The following CRACD variants were observed in gnomAD, a reference collection of about 807,000 sequenced individuals.
CRACD encodes capping protein inhibiting regulator of actin dynamics.
In CRACD, 56 loss-of-function variants were observed where a neutral mutation model predicts 106.8. That is an observed-to-expected ratio of 0.52 (90% CI 0.42 to 0.66). The LOEUF is 0.66. CRACD is among the 30% of genes least tolerant of loss of function. The pLI, the probability that CRACD is intolerant of heterozygous loss-of-function variation, is 0.00. For missense variants in CRACD, 1,730 were observed against 1,623.2 expected, an observed-to-expected ratio of 1.07 and a Z score of -1.13; for synonymous variants, 754 against 670.8, an observed-to-expected ratio of 1.12 and a Z score of -1.92.
intron 5 of CRACD, chr4:56,308,685 C>T: frequency 4.5e-6 from 4 of 895,298 alleles, no homozygotes; most frequent in Non-Finnish European, 5.3e-6. Flanking sequence ...CCCCTGTTGC[C>T]CATTGTGACA....
intron 1 of CRACD, among the ~76,000 whole-genome samples, chr4:56,165,514 A>G (rs1227477352): frequency 6.6e-6 from 1 of 152,224 alleles, no homozygotes; most frequent in Non-Finnish European, 1.5e-5. Context: ...CACAGTTAGT[A>G]TGCAGCAGAT....
intron 1 of CRACD, among the ~76,000 whole-genome samples, chr4:56,140,965 A>G (rs139782149): frequency 6.6e-6 from 1 of 152,366 alleles, no homozygotes; most frequent in East Asian, 1.9e-4. Flanking sequence ...GAATGAGAGA[A>G]TCAGAGAAAC....
At chr4:56,158,789 T>A (rs1351363434) in intron 1 of CRACD, among the ~76,000 whole-genome samples, 1 of 152,216 alleles carries the variant, frequency 6.6e-6, no homozygotes, top group Non-Finnish European at 1.5e-5. Flanking sequence ...ATTCTGAATT[T>A]GCATATTGAT....
intron 2 of CRACD, among the ~76,000 whole-genome samples, chr4:56,262,151 T>A (rs1297990226): frequency 6.6e-6 from 1 of 151,996 alleles, no homozygotes; most frequent in Non-Finnish European, 1.5e-5. Flanking sequence ...CCTGAAAAAA[T>A]TTGCCTGTGG....
Position 56,257,244 on chromosome 4 carries a change from G to A in CRACD, c.-188-15077G>A, listed in dbSNP as rs190095439. 1.1e-3 allele frequency among the ~76,000 whole-genome samples: 167 copies of A among 152,026 alleles called. 1 individual carries two copies. The highest frequency in any genetic ancestry group is 3.6e-3 in the African/African-American group (148 of 41,472). On this transcript the variant is annotated intron_variant, in intron 2 of 10. Transcript: ENST00000682029. ...TTACAGGTGCCCACCACCATGCCTG[G>A]CTAATTCTTATATTTTTAGTAGAAA...
intron 1 of CRACD, among the ~76,000 whole-genome samples, chr4:56,099,652 G>C (rs1310815197): frequency 3.3e-5 from 5 of 152,278 alleles, no homozygotes; most frequent in African/African-American, 1.2e-4. Context: ...AGCAGACATT[G>C]AGACTTTCGT....
At chr4:56,264,830 C>T (rs1172425383) in intron 2 of CRACD, among the ~76,000 whole-genome samples, 1 of 152,182 alleles carries the variant, frequency 6.6e-6, no homozygotes, top group Non-Finnish European at 1.5e-5. Flanking sequence ...AACAAATGTC[C>T]ATGAAATCTT....
chr4:56,142,984 G>A, intron 1 of CRACD, among the ~76,000 whole-genome samples: 1 of 150,892 alleles, frequency 6.6e-6, no homozygotes, highest in East Asian at 1.9e-4. Context: ...CCTTTTCATT[G>A]ATTTTTCTCT....
At chr4:56,186,602 C>T (rs1269819811) in intron 2 of CRACD, among the ~76,000 whole-genome samples, 5 of 152,070 alleles carry the variant, frequency 3.3e-5, no homozygotes, top group Admixed American at 2.0e-4. Context: ...TTTTACATGC[C>T]AGACATTGTG....
At chr4:56,142,235 G>T (rs1413265619) in intron 1 of CRACD, among the ~76,000 whole-genome samples, 1 of 151,938 alleles carries the variant, frequency 6.6e-6, no homozygotes, top group Non-Finnish European at 1.5e-5. Context: ...TATACCATGG[G>T]TGTTCTTTCA....
At chr4:56,240,253 GA>G (rs939405602) in intron 2 of CRACD, among the ~76,000 whole-genome samples, 17 of 152,116 alleles carry the variant, frequency 1.1e-4, no homozygotes, top group Admixed American at 1.0e-3. Flanking sequence ...CACCGTGATA[GA>G]GATATGCCAA....
chr4:56,305,955 C>G (rs573942206), intron 4 of CRACD, among the ~76,000 whole-genome samples: 1 of 152,190 alleles, frequency 6.6e-6, no homozygotes, highest in Admixed American at 6.5e-5. Flanking sequence ...TATTTCTGCC[C>G]CTGGAAGAAA....
Position 56,316,023 on chromosome 4 carries a change from AAAG to A in CRACD, c.2522_2524del (p.Lys841_Ala842delinsThr). 1 of 1,614,236 alleles carries A rather than the reference AAAG, an allele frequency of 6.2e-7. No individual in the cohort carries two copies. Among genetic ancestry groups the A allele is most frequent in the South Asian group, 1.1e-5 (1 of 91,080 alleles). On this transcript the variant is annotated inframe_deletion, in exon 8 of 11. Coordinates refer to ENST00000682029, the MANE Select transcript of CRACD (RefSeq NM_001393381.1). ...CCCTGTGATGCCAGGTGGAGAGGAA[AAAG>A]CCTCACCGTTTGGAATAAAATTGAG...
Position 56,305,145 on chromosome 4 carries a change from C to A in CRACD, c.121-2390C>A, listed in dbSNP as rs1427196618. On this transcript the variant is annotated intron_variant, in intron 4 of 10. Transcript: ENST00000682029. ...CTAAGGCAGGAGGATCACTTGAGCC[C>A]AGGACATCCAGGCTGCAGTGAGCTA... Among the ~76,000 whole-genome samples the A allele has an allele frequency of 5.3e-5, 8 of 152,238 alleles. No individual in the cohort carries two copies. The East Asian group carries it at 1.5e-3, about 29-fold the overall frequency.
At chr4:56,306,037 A>G (rs553342438) in intron 4 of CRACD, among the ~76,000 whole-genome samples, 1 of 152,118 alleles carries the variant, frequency 6.6e-6, no homozygotes, top group Non-Finnish European at 1.5e-5. Context: ...TTTTTAAAAG[A>G]CCTGAGTTCA....
chr4:56,168,347 A>T (rs2109912905), intron 1 of CRACD, among the ~76,000 whole-genome samples: 1 of 152,202 alleles, frequency 6.6e-6, no homozygotes, highest in Middle Eastern at 3.4e-3. Flanking sequence ...TAATATTGTA[A>T]ATTACACTGA....
rs540738264 is a variant in CRACD at position 56,070,370 on chromosome 4, G to A, written c.-336+21071G>A. On this transcript the variant is annotated intron_variant, in intron 1 of 10. Transcript: ENST00000682029. Reference sequence around the variant, plus strand: ...GCTGGAGTACAGTGGCGCCATCTCGGCTCACTGCAAGCTCCGCCTCCCGGG... The same window carrying A: ...GCTGGAGTACAGTGGCGCCATCTCGACTCACTGCAAGCTCCGCCTCCCGGG... Among the ~76,000 whole-genome samples the A allele has an allele frequency of 7.5e-4, 112 of 150,300 alleles. 1 individual carries two copies. Among genetic ancestry groups the A allele is most frequent in the African/African-American group, 2.8e-3 (112 of 40,430 alleles).
At chr4:56,246,140 G>A (rs1017405610) in intron 2 of CRACD, among the ~76,000 whole-genome samples, 4 of 152,090 alleles carry the variant, frequency 2.6e-5, no homozygotes, top group African/African-American at 9.7e-5. Flanking sequence ...TATGCAGTGT[G>A]GTTCTCAGTG....
At chr4:56,238,099 A>C (rs1740100229) in intron 2 of CRACD, among the ~76,000 whole-genome samples, 1 of 152,194 alleles carries the variant, frequency 6.6e-6, no homozygotes, top group Non-Finnish European at 1.5e-5. Context: ...AAAACTGAGT[A>C]CTTAAAACAA....
Sources: gnomAD v4.1 joint callset for allele counts (sites outside exome capture counted in the v4.1 genomes callset) on GRCh38, gnomAD v4.1.1 for gene constraint, MANE v1.5 for transcripts, NCBI Gene and HGNC (gene_info 2026-07-23, HGNC 2026-07-21) for gene names.